Variants in VASH1 observed in about 807,000 individuals in gnomAD.
VASH1 encodes the protein vasohibin 1.
A neutral mutation model predicts 35.0 loss-of-function variants in VASH1; 16 were observed. That is an observed-to-expected ratio of 0.46 (90% confidence interval 0.31 to 0.70). The LOEUF (loss-of-function observed/expected upper bound fraction) is 0.70, where lower values mean the gene tolerates loss of function less well. Ranked by LOEUF, VASH1 falls within the 30% of genes least tolerant of loss-of-function variation. The pLI, the probability that VASH1 is intolerant of heterozygous loss-of-function variation, is 0.05. For missense variants in VASH1, 505 were observed against 510.7 expected (o/e 0.99, Z 0.11); for synonymous variants, 214 against 200.9 (o/e 1.07, Z -0.55).
At chr14:76,776,362 C>A in intron 5 of VASH1, 89 bp downstream of exon 5, 1 of 1,438,142 alleles carries the variant, frequency 7.0e-7, no homozygotes, top group Non-Finnish European at 9.2e-7. Context: ...GACTGGGGAG[C>A]TTCTCAGGGG....
chr14:76,779,069 C>T lies in VASH1; in HGVS notation c.*51C>T. 6.3e-7 allele frequency: 1 copy of T among 1,587,684 alleles called. No individual in the cohort carries two copies. The highest frequency in any genetic ancestry group is 8.6e-7 in the Non-Finnish European group (1 of 1,158,248). ...ACCCACTCTTGGGGGCCAGGATCCA[C>T]CTGCTGGAACCAGCCTTATGCATGG... On this transcript the variant is annotated 3_prime_UTR_variant, in exon 7 of 7. Coordinates refer to ENST00000167106, the MANE Select transcript of VASH1 (RefSeq NM_014909.5).
In VASH1 at chr14:76,766,395, G is replaced by A. The variant is rs1893642597; in HGVS notation, c.309+3265G>A. On this transcript the variant is annotated intron_variant, in intron 1 of 6. Coordinates refer to ENST00000167106, the MANE Select transcript of VASH1 (RefSeq NM_014909.5). ...AGGCCACAGAGCTCCTGCAGAATGGGAATTTGGACATCTCCTCTAGCTACT... is the reference window on the plus strand; with the variant it reads ...AGGCCACAGAGCTCCTGCAGAATGGAAATTTGGACATCTCCTCTAGCTACT... 2.0e-5 allele frequency among the ~76,000 whole-genome samples: 3 copies of A among 152,154 alleles called. No homozygotes were observed. In the South Asian group the frequency reaches 6.3e-4, roughly 32 times the overall value.
At chr14:76,765,414 G>T (rs968264371) in intron 1 of VASH1, among the ~76,000 whole-genome samples, 3 of 152,116 alleles carry the variant, frequency 2.0e-5, no homozygotes, top group Admixed American at 6.5e-5. Flanking sequence ...CAGATAAATC[G>T]CATGAGTCTG....
chr14:76,767,708 G>A (rs556443753), intron 1 of VASH1, among the ~76,000 whole-genome samples: 1 of 152,250 alleles, frequency 6.6e-6, no homozygotes, highest in Admixed American at 6.5e-5. Flanking sequence ...TTGTGTTTGA[G>A]TGAACGAGTC....
intron 6 of VASH1, among the ~76,000 whole-genome samples, chr14:76,778,729 G>T (rs1429174169): frequency 1.3e-5 from 2 of 152,240 alleles, no homozygotes; most frequent in Non-Finnish European, 2.9e-5. Context: ...GCCTCCAGCA[G>T]CGAGAAAGCC....
Position 76,762,739 on chromosome 14 carries a change from G to C in VASH1, c.-83G>C. ...AAGGCGCCTTGCACTCTGGCCATGTGTTATCTCTGCAGCCGGTGTGTGGGA... is the reference window on the plus strand; with the variant it reads ...AAGGCGCCTTGCACTCTGGCCATGTCTTATCTCTGCAGCCGGTGTGTGGGA... On this transcript the variant is annotated 5_prime_UTR_variant, in exon 1 of 7. Coordinates refer to ENST00000167106, the MANE Select transcript of VASH1 (RefSeq NM_014909.5). The C allele has an allele frequency of 7.6e-7, 1 of 1,308,466 alleles. No homozygotes were observed. The highest frequency in any genetic ancestry group is 1.0e-6 in the Non-Finnish European group (1 of 986,562). 81.1% of individuals were successfully genotyped at this position (1,308,466 alleles called of 1,614,324 possible). A position where few individuals can be genotyped will look rare whatever the true frequency, so the allele number is the denominator to read the frequency against.
At chr14:76,766,395 G>C (rs1893642597) in intron 1 of VASH1, among the ~76,000 whole-genome samples, 1 of 152,036 alleles carries the variant, frequency 6.6e-6, no homozygotes, top group South Asian at 2.1e-4. Flanking sequence ...TGCAGAATGG[G>C]AATTTGGACA....
chr14:76,776,306 C>A (rs772666299), intron 5 of VASH1, 33 bp downstream of exon 5: 1 of 1,500,362 alleles, frequency 6.7e-7, no homozygotes. Context: ...CGCCCCCTCC[C>A]TCGCCCCCTC....
In VASH1 at chr14:76,779,784, A is replaced by G. The variant is rs1034670071; in HGVS notation, c.*766A>G. The G allele has an allele frequency of 3.8e-6, 2 of 526,602 alleles. No homozygotes were observed. The highest frequency in any genetic ancestry group is 3.8e-5 in the African/African-American group (2 of 52,056). 32.6% of individuals were successfully genotyped at this position (526,602 alleles called of 1,614,324 possible). On this transcript the variant is annotated 3_prime_UTR_variant, in exon 7 of 7. Transcript: ENST00000167106. ...AGCTCTGCCTGTTGCTCTAGCCCACAGGCTCCCTGCGGAGGGTCTGGGCTT... is the reference window on the plus strand; with the variant it reads ...AGCTCTGCCTGTTGCTCTAGCCCACGGGCTCCCTGCGGAGGGTCTGGGCTT...
intron 6 of VASH1, 108 bp downstream of exon 6, chr14:76,778,179 T>C (rs1463716800): frequency 1.9e-5 from 16 of 827,592 alleles, no homozygotes; most frequent in Non-Finnish European, 2.4e-5. Context: ...TCTCTCTTTT[T>C]CGCTCCCACC....
chr14:76,777,964 C>A lies in VASH1; in HGVS notation c.918C>A (p.Gly306=). 1 of 1,519,218 alleles carries A rather than the reference C, an allele frequency of 6.6e-7. No individual in the cohort carries two copies. Among genetic ancestry groups the A allele is most frequent in the East Asian group, 2.7e-5 (1 of 37,566 alleles). The allele number at this position is 1,519,218 out of a possible 1,614,324, so 94.1% of individuals were successfully genotyped here. ...RHARDMRLKI[G]KGTGPPSPTK... is the part of the protein sequence containing the mutation. ...GCTTCCTCCTCTGCACCTAGATTGG[C>A]AAAGGGACGGGCCCTCCCTCTCCCA... Residue 306 remains glycine (G), a synonymous_variant, in exon 6 of 7, where the codon GGC becomes GGA. Coordinates refer to ENST00000167106, the MANE Select transcript of VASH1 (RefSeq NM_014909.5).
At chr14:76,767,426 G>T (rs1009029206) in intron 1 of VASH1, among the ~76,000 whole-genome samples, 1 of 152,034 alleles carries the variant, frequency 6.6e-6, no homozygotes. Context: ...AGGCCTCATT[G>T]TGTTCGATTG....
chr14:76,776,548 T>C (rs1893950936), intron 5 of VASH1, among the ~76,000 whole-genome samples: 1 of 151,978 alleles, frequency 6.6e-6, no homozygotes, highest in African/African-American at 2.4e-5. Flanking sequence ...GAGGGTGTGA[T>C]CGGGTGCTGT....
intron 3 of VASH1, among the ~76,000 whole-genome samples, chr14:76,771,451 G>C (rs1298417810): frequency 6.6e-6 from 1 of 152,236 alleles, no homozygotes; most frequent in African/African-American, 2.4e-5. Flanking sequence ...GGGCTGCCTT[G>C]ATGAAAAGGA....
Position 76,779,122 on chromosome 14 carries a change from G to A in VASH1, c.*104G>A, listed in dbSNP as rs900971132. The A allele has an allele frequency of 4.0e-6, 5 of 1,246,606 alleles. No homozygotes were observed. Among genetic ancestry groups the A allele is most frequent in the Middle Eastern group, 1.9e-4 (1 of 5,348 alleles). The allele number at this position is 1,246,606 out of a possible 1,614,324, so 77.2% of individuals were successfully genotyped here. On this transcript the variant is annotated 3_prime_UTR_variant, in exon 7 of 7. Coordinates refer to ENST00000167106, the MANE Select transcript of VASH1 (RefSeq NM_014909.5). ...AAGGCGGGGCTGGTGACAAGGCAGG[G>A]CAAGAGGCTGCAGGAAGAGTGTGTT...
chr14:76,761,957 T>C lies in VASH1; in HGVS notation c.-865T>C, dbSNP rs1316358083. Among the ~76,000 whole-genome samples the C allele has an allele frequency of 6.6e-6, 1 of 151,790 alleles. No homozygotes were observed. Among genetic ancestry groups the C allele is most frequent in the Non-Finnish European group, 1.5e-5 (1 of 67,868 alleles). On this transcript the variant is annotated 5_prime_UTR_variant, in exon 1 of 7. Transcript: ENST00000167106. ...GCCCCGTGCCCTGCGATGGCTCGGC[T>C]GGTGCAGCGCGGCGCCAGGTGCCAG...
intron 1 of VASH1, among the ~76,000 whole-genome samples, chr14:76,767,422 CATTGTGTT>C (rs1893673779): frequency 6.6e-6 from 1 of 152,122 alleles, no homozygotes; most frequent in Admixed American, 6.5e-5. Flanking sequence ...CCCCAGGCCT[CATTGTGTT>C]CGATTGAAAT....
chr14:76,761,789 C>T lies in VASH1; in HGVS notation c.-1033C>T, dbSNP rs1410800499. Reference sequence around the variant, plus strand: ...CAGCTGCAGCCCGAGCGAACAGCCACGGAGCATCCTCCGCCCGCCCGGGCC... The same window carrying T: ...CAGCTGCAGCCCGAGCGAACAGCCATGGAGCATCCTCCGCCCGCCCGGGCC... On this transcript the variant is annotated 5_prime_UTR_variant, in exon 1 of 7. It adds an upstream start codon to the 5' untranslated region. Coordinates refer to ENST00000167106, the MANE Select transcript of VASH1 (RefSeq NM_014909.5). 2.0e-5 allele frequency among the ~76,000 whole-genome samples: 3 copies of T among 151,886 alleles called. No homozygotes were observed. Among genetic ancestry groups the T allele is most frequent in the African/African-American group, 7.2e-5 (3 of 41,426 alleles).
In VASH1 at chr14:76,780,220, AGGTGCAGGTAAAG is replaced by A. The variant is rs1595282479; in HGVS notation, c.*1210_*1222del. 1 of 153,280 alleles carries A rather than the reference AGGTGCAGGTAAAG, an allele frequency of 6.5e-6. No individual in the cohort carries two copies. The highest frequency in any genetic ancestry group is 1.9e-4 in the East Asian group (1 of 5,190). The allele number at this position is 153,280 out of a possible 1,614,324, so 9.5% of individuals were successfully genotyped here. On this transcript the variant is annotated 3_prime_UTR_variant, in exon 7 of 7. Transcript: ENST00000167106. ...GGTTCTGGAGGCTCAAGCAACAAGGAGGTGCAGGTAAAGGGTGCAGTGCAGCCACTGAGGGACA... is the reference window on the plus strand; with the variant it reads ...GGTTCTGGAGGCTCAAGCAACAAGGAGGTGCAGTGCAGCCACTGAGGGACA...
Sources: allele counts gnomAD v4.1 joint callset (sites outside exome capture counted in the v4.1 genomes callset), GRCh38; gene constraint gnomAD v4.1.1; transcripts MANE v1.5; gene names NCBI Gene and HGNC (gene_info 2026-07-23, HGNC 2026-07-21).